Variants in GRK5 observed in about 807,000 individuals in gnomAD.
GRK5 encodes the protein g protein-coupled receptor kinase GRK5.
In GRK5, 40 loss-of-function variants were observed where a neutral mutation model predicts 78.4. The ratio of observed to expected loss-of-function variants is 0.51; its 90% confidence interval spans 0.40 to 0.66. The LOEUF is 0.66. GRK5 is among the 30% of genes least tolerant of loss of function. The pLI, the probability that GRK5 is intolerant of heterozygous loss-of-function variation, is 0.00. For missense variants in GRK5, 598 were observed against 759.9 expected, an observed-to-expected ratio of 0.79 and a Z score of 2.50; for synonymous variants, 289 against 296.8, an observed-to-expected ratio of 0.97 and a Z score of 0.27.
At chr10:119,404,950 C>A (rs901561857) in intron 4 of GRK5, among the ~76,000 whole-genome samples, 1 of 152,218 alleles carries the variant, frequency 6.6e-6, no homozygotes, top group Non-Finnish European at 1.5e-5. Context: ...AATGGGGAAG[C>A]GCCTGCGTGA....
intron 4 of GRK5, among the ~76,000 whole-genome samples, chr10:119,402,781 G>T (rs1405491001): frequency 1.3e-5 from 2 of 152,202 alleles, no homozygotes; most frequent in Non-Finnish European, 2.9e-5. Context: ...TTGAACCAGG[G>T]ACGGGGAGGT....
chr10:119,351,129 T>C (rs1279124333), intron 2 of GRK5, among the ~76,000 whole-genome samples: 1 of 152,176 alleles, frequency 6.6e-6, no homozygotes, highest in Non-Finnish European at 1.5e-5. Flanking sequence ...GCATTTATTT[T>C]AATGTATGTC....
chr10:119,280,816 G>A (rs1325448539), intron 1 of GRK5, among the ~76,000 whole-genome samples: 1 of 127,408 alleles, frequency 7.8e-6, no homozygotes, highest in African/African-American at 3.1e-5. Context: ...GTCTCACTCT[G>A]TCACCCAGGC....
At chr10:119,218,631 C>T (rs1472387839) in intron 1 of GRK5, among the ~76,000 whole-genome samples, 4 of 152,122 alleles carry the variant, frequency 2.6e-5, no homozygotes, top group Non-Finnish European at 5.9e-5. Flanking sequence ...GAACTCCTAG[C>T]TCTAGGAAGA....
chr10:119,409,054 C>T (rs1475200815), intron 4 of GRK5, among the ~76,000 whole-genome samples: 3 of 152,320 alleles, frequency 2.0e-5, no homozygotes, highest in East Asian at 1.9e-4. Flanking sequence ...GAGCAAGCCC[C>T]GGAGGCGGTG....
chr10:119,360,849 C>A (rs369068806), intron 2 of GRK5, among the ~76,000 whole-genome samples: 1 of 152,194 alleles, frequency 6.6e-6, no homozygotes, highest in Non-Finnish European at 1.5e-5. Context: ...GGGAACACAG[C>A]TCCCTTCCTG....
chr10:119,383,211 G>A (rs750783570), intron 3 of GRK5, among the ~76,000 whole-genome samples: 4 of 152,200 alleles, frequency 2.6e-5, no homozygotes, highest in Non-Finnish European at 2.9e-5. Context: ...GTGAGCCACC[G>A]CGCCTGGCCT....
intron 2 of GRK5, among the ~76,000 whole-genome samples, chr10:119,345,000 G>A (rs909109922): frequency 1.4e-5 from 2 of 140,904 alleles, no homozygotes; most frequent in African/African-American, 5.3e-5. Flanking sequence ...ATGGAATCTC[G>A]CTCTGTCTCC....
At chr10:119,356,695 T>A (rs1851267068) in intron 2 of GRK5, among the ~76,000 whole-genome samples, 1 of 152,116 alleles carries the variant, frequency 6.6e-6, no homozygotes, top group African/African-American at 2.4e-5. Flanking sequence ...CACAAGGAGA[T>A]GCCAAGAATA....
intron 1 of GRK5, among the ~76,000 whole-genome samples, chr10:119,286,938 G>T (rs1227025785): frequency 2.0e-5 from 3 of 152,196 alleles, no homozygotes; most frequent in Non-Finnish European, 4.4e-5. Context: ...AGGATGAAAT[G>T]TAAGGTCCAG....
chr10:119,317,374 G>C (rs1173997323), intron 1 of GRK5, among the ~76,000 whole-genome samples: 1 of 151,928 alleles, frequency 6.6e-6, no homozygotes, highest in African/African-American at 2.4e-5. Flanking sequence ...GTGTGTGTGT[G>C]TGTGTGTGTG....
intron 3 of GRK5, among the ~76,000 whole-genome samples, chr10:119,394,313 C>T (rs1463630717): frequency 0.045 from 192 of 4,288 alleles, 25 homozygotes; most frequent in Middle Eastern, 0.071. Flanking sequence ...TGTGTGGGCA[C>T]GTGGGTGTGT....
At chr10:119,429,736 A>G (rs1422829627) in intron 6 of GRK5, among the ~76,000 whole-genome samples, 1 of 152,072 alleles carries the variant, frequency 6.6e-6, no homozygotes, top group African/African-American at 2.4e-5. Context: ...AATACAATAA[A>G]GGGTCCTCAG....
chr10:119,261,543 C>A (rs1849400438), intron 1 of GRK5, among the ~76,000 whole-genome samples: 2 of 152,138 alleles, frequency 1.3e-5, no homozygotes, highest in Non-Finnish European at 2.9e-5. Flanking sequence ...GAGGCCAAGG[C>A]AGGCGGCTGG....
At position 119,290,065 on chromosome 10, in the gene GRK5, G is replaced by A. The variant is rs548417010; in HGVS notation, c.53-36451G>A. Among the ~76,000 whole-genome samples, 5 of 152,216 alleles carry A rather than the reference G, an allele frequency of 3.3e-5. No homozygotes were observed. The East Asian group carries it at 7.7e-4, about 24-fold the overall frequency. ...AGCTCCTGGAAGACTATCTGTTCCC[G>A]GCTGGGCGTGATGGCTCAAGCCTGT... On this transcript the variant is annotated intron_variant, in intron 1 of 15. Coordinates refer to ENST00000392870, the MANE Select transcript of GRK5 (RefSeq NM_005308.3).
At chr10:119,402,581 A>G in intron 4 of GRK5, among the ~76,000 whole-genome samples, 1 of 152,208 alleles carries the variant, frequency 6.6e-6, no homozygotes, top group African/African-American at 2.4e-5. Flanking sequence ...GGCCGGGTGC[A>G]GTGTCTCACA....
chr10:119,431,339 A>G lies in GRK5; in HGVS notation c.598-48A>G, dbSNP rs1473176209. ...TCCCCGCCCTGGAGGAGCTCGGGGC[A>G]GGCCTCCACGGTGCTCCTGCCACCC... On this transcript the variant is annotated intron_variant, in intron 7 of 15. Transcript: ENST00000392870. This position sits in a 1 kb window ranked among gnomAD's most constrained non-coding sequence, Gnocchi z 4.8. 1 of 1,583,400 alleles carries G rather than the reference A, an allele frequency of 6.3e-7. No homozygotes were observed. Among genetic ancestry groups the G allele is most frequent in the South Asian group, 1.2e-5 (1 of 86,048 alleles).
chr10:119,270,134 C>T (rs1378821607), intron 1 of GRK5, among the ~76,000 whole-genome samples: 1 of 152,228 alleles, frequency 6.6e-6, no homozygotes, highest in Non-Finnish European at 1.5e-5. Flanking sequence ...CTGTTATTTG[C>T]ATCCTAACTA....
rs1407509203 is a variant in GRK5, at chr10:119,336,401, G to A, written c.148+9790G>A. ...CTAACAATGGTTACCCCCAGGGAAG[G>A]CGTGAAGGTCAGAGGGGACACTGGC... On this transcript the variant is annotated intron_variant, in intron 2 of 15. Transcript: ENST00000392870. This position sits in a 1 kb window ranked among gnomAD's most constrained non-coding sequence, Gnocchi z 4.5. Among the ~76,000 whole-genome samples, 1 of 152,172 alleles carries A rather than the reference G, an allele frequency of 6.6e-6. No homozygotes were observed. The highest frequency in any genetic ancestry group is 2.4e-5 in the African/African-American group (1 of 41,444).
Sources: gnomAD v4.1 joint callset for allele counts (sites outside exome capture counted in the v4.1 genomes callset) on GRCh38, gnomAD v4.1.1 for gene constraint, Gnocchi (gnomAD v3.1) non-coding constraint, MANE v1.5 for transcripts, NCBI Gene and HGNC (gene_info 2026-07-23, HGNC 2026-07-21) for gene names.